ZNF207: variants seen among roughly 807,000 people sequenced by gnomAD.
The protein encoded by ZNF207 is BUB3-interacting and GLEBS motif-containing protein ZNF207.
In ZNF207, 24 loss-of-function variants were observed where a neutral mutation model predicts 60.2. The ratio of observed to expected loss-of-function variants is 0.40; its 90% CI spans 0.29 to 0.56. The LOEUF (loss-of-function observed/expected upper bound fraction) is 0.56. Ranked by LOEUF, ZNF207 falls within the 20% of genes least tolerant of loss-of-function variation. The probability of loss-of-function intolerance (pLI) is 0.49; values close to 1 mark genes in which losing one functional copy is unlikely to be tolerated. For missense variants in ZNF207, 452 were observed against 636.6 expected (o/e 0.71, Z 3.12); for synonymous variants, 236 against 194.7 (o/e 1.21, Z -1.77).
chr17:32,370,838 GTTA>G lies in ZNF207; in HGVS notation c.*1084_*1086del, dbSNP rs1263169640. On this transcript the variant is annotated 3_prime_UTR_variant, in exon 12 of 12. Transcript: ENST00000394670. ...TAATAGCTTCTTGTGCTGTTAATGG[GTTA>G]TTATATATTATTCTAAGTGTAATGC... is the stretch of plus-strand genomic sequence containing the variant. 2.6e-5 allele frequency: 4 copies of G among 152,108 alleles called. No homozygotes were observed. The highest frequency in any genetic ancestry group is 1.3e-4 in the Admixed American group (2 of 15,268). 9.4% of individuals were successfully genotyped at this position (152,108 alleles called of 1,614,324 possible).
At chr17:32,367,419 A>G (rs1905255070) in intron 9 of ZNF207, among the ~76,000 whole-genome samples, 1 of 151,368 alleles carries the variant, frequency 6.6e-6, no homozygotes, top group Admixed American at 6.6e-5. Flanking sequence ...TAATTAATAG[A>G]ACATTAAAAA....
intron 3 of ZNF207, among the ~76,000 whole-genome samples, chr17:32,359,737 C>G (rs1207182018): frequency 6.6e-6 from 1 of 151,692 alleles, no homozygotes; most frequent in Non-Finnish European, 1.5e-5. Context: ...GACACCCTGT[C>G]TTTACAAAAA....
rs1905546077 is a variant in ZNF207, at chr17:32,373,267, A to G, written c.*3508A>G. 3.8e-6 allele frequency: 2 copies of G among 524,372 alleles called. No individual in the cohort carries two copies. The highest frequency in any genetic ancestry group is 3.1e-5 in the South Asian group (1 of 32,442). The allele number at this position is 524,372 out of a possible 1,614,324, so 32.5% of individuals were successfully genotyped here. On this transcript the variant is annotated 3_prime_UTR_variant, in exon 12 of 12. Transcript: ENST00000394670. ...GGCTCAGAGTGGAATTGTAGTGGAC[A>G]ATAGTTAAAAACAAAGCTGCTCCTT...
At position 32,377,586 on chromosome 17, in the gene ZNF207, T is replaced by C. The variant is rs1905720480; in HGVS notation, c.*7827T>C. On this transcript the variant is annotated 3_prime_UTR_variant, in exon 12 of 12. Coordinates refer to ENST00000394670, the MANE Select transcript of ZNF207 (RefSeq NM_001098507.2). ...AAAACTTTTAAAAATTGCTTGTCTT[T>C]GGGGGTATGTCTACATATTCGTTTA... 1 of 152,014 alleles carries C rather than the reference T, an allele frequency of 6.6e-6. No homozygotes were observed. The highest frequency in any genetic ancestry group is 2.4e-5 in the African/African-American group (1 of 41,448). 9.4% of individuals were successfully genotyped at this position (152,014 alleles called of 1,614,324 possible).
intron 4 of ZNF207, 29 bp downstream of exon 4, chr17:32,360,794 C>T (rs202042542): frequency 8.2e-5 from 133 of 1,612,416 alleles, no homozygotes; most frequent in East Asian, 6.9e-4. Flanking sequence ...TAAAATCTAA[C>T]ATTTTTAGGA....
chr17:32,357,013 C>T (rs780565721), intron 2 of ZNF207, among the ~76,000 whole-genome samples: 2 of 151,936 alleles, frequency 1.3e-5, no homozygotes, highest in African/African-American at 2.4e-5. Flanking sequence ...AAAACTACCT[C>T]GCCACAGAAA....
In ZNF207 at chr17:32,374,006, C is replaced by T. The variant is rs1905575348; in HGVS notation, c.*4247C>T. On this transcript the variant is annotated 3_prime_UTR_variant, in exon 12 of 12. Transcript: ENST00000394670. ...CTGCCTCCCGGATTCAAGTGATTCT[C>T]CTGCCTCAGCCTCCCGAGTAGCTGG... The T allele has an allele frequency of 1.3e-5, 2 of 152,262 alleles. No individual in the cohort carries two copies. Among genetic ancestry groups the T allele is most frequent in the Admixed American group, 6.5e-5 (1 of 15,280 alleles). 9.4% of individuals were successfully genotyped at this position (152,262 alleles called of 1,614,324 possible).
chr17:32,369,529 G>A (rs2150804186), intron 11 of ZNF207, 70 bp from the exon 12 acceptor site: 4 of 1,591,758 alleles, frequency 2.5e-6, no homozygotes, highest in Non-Finnish European at 3.4e-6. Context: ...TTTATCTGCA[G>A]CATACGTTGC....
intron 4 of ZNF207, 37 bp from the exon 5 acceptor site, chr17:32,360,855 T>G (rs1904839271): frequency 1.2e-6 from 2 of 1,613,088 alleles, no homozygotes; most frequent in Non-Finnish European, 1.7e-6. Flanking sequence ...AACTCTTTAA[T>G]ATTTGTTATT....
chr17:32,370,966 T>C lies in ZNF207; in HGVS notation c.*1207T>C, dbSNP rs955755662. 2 of 152,246 alleles carry C rather than the reference T, an allele frequency of 1.3e-5. No homozygotes were observed. Among genetic ancestry groups the C allele is most frequent in the East Asian group, 1.9e-4 (1 of 5,206 alleles). 9.4% of individuals were successfully genotyped at this position (152,246 alleles called of 1,614,324 possible). On this transcript the variant is annotated 3_prime_UTR_variant, in exon 12 of 12. Coordinates refer to ENST00000394670, the MANE Select transcript of ZNF207 (RefSeq NM_001098507.2). ...ACATTATTCATTTGAGTACCTTCTGTTATTAAGCCTAGGTAGCCTTACTGT... is the reference window on the plus strand; with the variant it reads ...ACATTATTCATTTGAGTACCTTCTGCTATTAAGCCTAGGTAGCCTTACTGT...
intron 8 of ZNF207, 72 bp downstream of exon 8, chr17:32,365,559 G>A (rs1407712599): frequency 5.7e-6 from 8 of 1,400,084 alleles, no homozygotes; most frequent in South Asian, 1.8e-5. Context: ...AGAAGTCTTT[G>A]AAATTTTCAT....
rs533252929 is a variant in ZNF207 at position 32,350,178 on chromosome 17, T to C, written c.-108T>C. On this transcript the variant is annotated 5_prime_UTR_variant, in exon 1 of 12. Coordinates refer to ENST00000394670, the MANE Select transcript of ZNF207 (RefSeq NM_001098507.2). ...GGCCGTCGGCCATTTTGTGTCTGCT[T>C]CCTGTGGGACGTGGTGGTAGCCGTT... 143 of 1,543,604 alleles carry C rather than the reference T, an allele frequency of 9.3e-5. No individual in the cohort carries two copies. The highest frequency in any genetic ancestry group is 1.5e-4 in the Admixed American group (9 of 59,018).
At chr17:32,351,348 GAT>G in intron 1 of ZNF207, 1 of 767,478 alleles carries the variant, frequency 1.3e-6, no homozygotes, top group Non-Finnish European at 1.7e-6. Flanking sequence ...GTTACTCTTA[GAT>G]TCTAAATATT....
intron 2 of ZNF207, among the ~76,000 whole-genome samples, chr17:32,356,132 CATT>C (rs1397106816): frequency 2.1e-4 from 32 of 152,264 alleles, no homozygotes; most frequent in South Asian, 4.1e-4. Flanking sequence ...AACCCTAAGA[CATT>C]ATTAGTAAGT....
intron 1 of ZNF207, 148 bp from the exon 2 acceptor site, chr17:32,351,638 C>T (rs1363762790): frequency 1.3e-6 from 2 of 1,554,162 alleles, no homozygotes; most frequent in African/African-American, 1.4e-5. Context: ...AAGTGTAGTC[C>T]CTAATTGTGT....
At chr17:32,367,415 A>G (rs1277252646) in intron 9 of ZNF207, among the ~76,000 whole-genome samples, 1 of 151,302 alleles carries the variant, frequency 6.6e-6, no homozygotes, top group Non-Finnish European at 1.5e-5. Flanking sequence ...TAACTAATTA[A>G]TAGAACATTA....
chr17:32,373,319 A>G lies in ZNF207; in HGVS notation c.*3560A>G. The stretch of plus-strand genomic sequence containing the variant: ...TGCTTGCTTGATCATTGGGATTTTT[A>G]AAAAAAAAAATTTTAATGCATGTCT... On this transcript the variant is annotated 3_prime_UTR_variant, in exon 12 of 12. Coordinates refer to ENST00000394670, the MANE Select transcript of ZNF207 (RefSeq NM_001098507.2). The G allele has an allele frequency of 2.1e-6, 1 of 473,886 alleles. No individual in the cohort carries two copies. 29.4% of individuals were successfully genotyped at this position (473,886 alleles called of 1,614,324 possible).
At position 32,375,081 on chromosome 17, in the gene ZNF207, A is replaced by C. The variant is rs1905632324; in HGVS notation, c.*5322A>C. ...TTACTCTGAGCAGTAACAATGAACA[A>C]GCAGTATAGCATTTAGCAAACCTGG... On this transcript the variant is annotated 3_prime_UTR_variant, in exon 12 of 12. Coordinates refer to ENST00000394670, the MANE Select transcript of ZNF207 (RefSeq NM_001098507.2). The C allele has an allele frequency of 6.6e-6, 1 of 152,346 alleles. No homozygotes were observed. The highest frequency in any genetic ancestry group is 6.5e-5 in the Admixed American group (1 of 15,294). The allele number at this position is 152,346 out of a possible 1,614,324, so 9.4% of individuals were successfully genotyped here.
chr17:32,365,274 T>C, intron 7 of ZNF207, 56 bp from the exon 8 acceptor site: 1 of 1,572,200 alleles, frequency 6.4e-7, no homozygotes, highest in Non-Finnish European at 8.6e-7. Context: ...AGAAGCGTTT[T>C]TTTCCACACT....
Sources: allele counts gnomAD v4.1 joint callset (sites outside exome capture counted in the v4.1 genomes callset), GRCh38; gene constraint gnomAD v4.1.1; transcripts MANE v1.5; gene names NCBI Gene and HGNC (gene_info 2026-07-23, HGNC 2026-07-21).